The following SPTLC1 variants were observed in gnomAD, a reference collection of about 807,000 sequenced individuals.
The protein encoded by SPTLC1 is serine palmitoyltransferase 1.
A neutral mutation model predicts 68.9 loss-of-function variants in SPTLC1; 55 were observed. That is an observed-to-expected ratio of 0.80 (90% CI 0.64 to 1.00). The LOEUF (loss-of-function observed/expected upper bound fraction) is 1.00, where lower values mean the gene tolerates loss of function less well. SPTLC1 is among the 50% of genes least tolerant of loss of function. The pLI is 0.00. For missense variants in SPTLC1, 449 were observed against 573.1 expected (o/e 0.78, Z 2.21); for synonymous variants, 197 against 201.6 (o/e 0.98, Z 0.19).
At chr9:92,112,942 T>C (rs1836301168) in intron 1 of SPTLC1, among the ~76,000 whole-genome samples, 2 of 152,146 alleles carry the variant, frequency 1.3e-5, no homozygotes. Flanking sequence ...ACCCTGTCTC[T>C]ATTAAAAATA....
intron 3 of SPTLC1, among the ~76,000 whole-genome samples, chr9:92,093,631 G>A (rs1835441793): frequency 1.3e-5 from 2 of 152,172 alleles, no homozygotes; most frequent in Admixed American, 1.3e-4. Flanking sequence ...TATAAAGACA[G>A]TAATAAATGA....
chr9:92,071,329 G>T (rs529844156), intron 5 of SPTLC1, among the ~76,000 whole-genome samples: 1 of 152,100 alleles, frequency 6.6e-6, no homozygotes. Flanking sequence ...GAACCCAGGA[G>T]GCGGAGGTTG....
At chr9:92,111,137 C>T (rs1013674438) in intron 2 of SPTLC1, 6 of 152,166 alleles carry the variant, frequency 3.9e-5, no homozygotes, top group African/African-American at 1.4e-4. Context: ...TGGAAAAAAA[C>T]TCCGTATTTC....
At chr9:92,078,279 A>C (rs572406349) in intron 5 of SPTLC1, among the ~76,000 whole-genome samples, 7 of 152,210 alleles carry the variant, frequency 4.6e-5, no homozygotes, top group African/African-American at 4.8e-5. Context: ...TACAATCAAC[A>C]ACCCCATAAA....
At chr9:92,045,906 A>T (rs1251095176) in intron 12 of SPTLC1, 93 bp downstream of exon 12, 1 of 1,241,604 alleles carries the variant, frequency 8.1e-7, no homozygotes, top group African/African-American at 1.5e-5. Flanking sequence ...AATCTGGTCA[A>T]ACTGACCCAA....
chr9:92,041,015 A>G (rs975376177), intron 12 of SPTLC1, among the ~76,000 whole-genome samples: 2 of 152,228 alleles, frequency 1.3e-5, no homozygotes, highest in African/African-American at 4.8e-5. Flanking sequence ...TTTGCCAAAC[A>G]TATCATCTTA....
intron 3 of SPTLC1, among the ~76,000 whole-genome samples, chr9:92,104,060 C>T (rs1835861639): frequency 6.6e-6 from 1 of 152,186 alleles, no homozygotes; most frequent in Non-Finnish European, 1.5e-5. Context: ...TCCTTCACAC[C>T]CTGGCTCTGT....
intron 6 of SPTLC1, among the ~76,000 whole-genome samples, chr9:92,063,932 T>A (rs1834192351): frequency 6.6e-6 from 1 of 152,214 alleles, no homozygotes; most frequent in South Asian, 2.1e-4. Context: ...AAACGCTTTC[T>A]AATATCAGGA....
At chr9:92,067,304 C>CACA (rs1834325025) in intron 6 of SPTLC1, among the ~76,000 whole-genome samples, 14 of 98,900 alleles carry the variant, frequency 1.4e-4, no homozygotes, top group South Asian at 8.5e-4. Flanking sequence ...ATCTCACACA[C>CACA]AAAAAAAAAA....
intron 3 of SPTLC1, among the ~76,000 whole-genome samples, chr9:92,089,996 T>C (rs1835296268): frequency 6.6e-6 from 1 of 152,182 alleles, no homozygotes; most frequent in Admixed American, 6.5e-5. Context: ...TCCAAGGAGG[T>C]AAAATAAAAA....
chr9:92,067,953 A>C lies in SPTLC1; in HGVS notation c.560+13T>G. 4 of 1,612,992 alleles carry C rather than the reference A, an allele frequency of 2.5e-6. No individual in the cohort carries two copies. Among genetic ancestry groups the C allele is most frequent in the Non-Finnish European group, 3.4e-6 (4 of 1,179,788 alleles). ...AGGAACTGCTATTAGAAAACTACGT[A>C]AAGTTTACTTACACAAAAACAATGT... On this transcript the variant is annotated intron_variant, in intron 6 of 14. Coordinates refer to ENST00000262554, the MANE Select transcript of SPTLC1 (RefSeq NM_006415.4).
intron 3 of SPTLC1, among the ~76,000 whole-genome samples, chr9:92,094,169 C>G (rs1393877651): frequency 1.3e-5 from 2 of 152,064 alleles, no homozygotes; most frequent in Non-Finnish European, 2.9e-5. Context: ...TGCATCTGAC[C>G]AAGTCAAAAT....
intron 9 of SPTLC1, 43 bp from the exon 10 acceptor site, chr9:92,047,751 A>G (rs947692765): frequency 2.1e-6 from 3 of 1,415,310 alleles, no homozygotes; most frequent in East Asian, 2.3e-5. Flanking sequence ...CAGTTTAAAG[A>G]AAAAAAAGGC....
intron 5 of SPTLC1, among the ~76,000 whole-genome samples, chr9:92,075,697 A>G (rs1834659106): frequency 1.3e-5 from 2 of 152,172 alleles, no homozygotes; most frequent in Non-Finnish European, 2.9e-5. Flanking sequence ...CACCTTTTAT[A>G]GCACTCACAA....
chr9:92,107,305 T>C (rs1358844880), intron 3 of SPTLC1, among the ~76,000 whole-genome samples: 1 of 152,176 alleles, frequency 6.6e-6, no homozygotes, highest in Non-Finnish European at 1.5e-5. Context: ...GAATCTGGCT[T>C]ACCAAAGAAG....
intron 13 of SPTLC1, among the ~76,000 whole-genome samples, chr9:92,035,881 C>A (rs1833124237): frequency 6.6e-6 from 1 of 152,338 alleles, no homozygotes; most frequent in Admixed American, 6.5e-5. Context: ...CTGCAAACAT[C>A]TGGACTGGCT....
chr9:92,044,698 TA>T (rs376169870), intron 12 of SPTLC1, among the ~76,000 whole-genome samples: 113 of 152,074 alleles, frequency 7.4e-4, no homozygotes, highest in African/African-American at 2.7e-3. Context: ...ACTCAGTCCT[TA>T]AAAAAAGGGC....
At position 92,080,198 on chromosome 9, in the gene SPTLC1, A is replaced by G. The variant is rs1351401622; in HGVS notation, c.355-110T>C. The G allele has an allele frequency of 3.6e-6, 3 of 830,914 alleles. No homozygotes were observed. In the African/African-American group the frequency reaches 5.1e-5, roughly 14 times the overall value. The allele number at this position is 830,914 out of a possible 1,614,324, so 51.5% of individuals were successfully genotyped here. A position where few individuals can be genotyped will look rare whatever the true frequency, so the allele number is the denominator to read the frequency against. On this transcript the variant is annotated intron_variant, in intron 4 of 14. Coordinates refer to ENST00000262554, the MANE Select transcript of SPTLC1 (RefSeq NM_006415.4). ...CTCCTTCCTTCCTCCTCCAACTCTA[A>G]CAGAATATAAAGAAGAGACAGGTGT...
rs118068024 is a variant in SPTLC1, at chr9:92,056,101, C to T, written c.691-607G>A. ...TAACAAAAAGTTAAAAAACTCAAAC[C>T]GTTTTCCTTCACCTCCCAAAAAAAG... On this transcript the variant is annotated intron_variant, in intron 7 of 14. Transcript: ENST00000262554. Among the ~76,000 whole-genome samples, 952 of 152,296 alleles carry T rather than the reference C, an allele frequency of 6.3e-3. 7 individuals are homozygous for T. Among genetic ancestry groups the T allele is most frequent in the Non-Finnish European group, 9.7e-3 (658 of 68,032 alleles).
Sources: allele counts gnomAD v4.1 joint callset (sites outside exome capture counted in the v4.1 genomes callset), GRCh38; gene constraint gnomAD v4.1.1; transcripts MANE v1.5; gene names NCBI Gene and HGNC (gene_info 2026-07-23, HGNC 2026-07-21).